BRINP2: variants seen among roughly 807,000 people sequenced by gnomAD.
BRINP2 encodes BMP/retinoic acid-inducible neural-specific protein 2.
In BRINP2, 21 loss-of-function variants were observed where a neutral mutation model predicts 69.2. The observed-to-expected ratio is 0.30, with a 90% CI of 0.22 to 0.44. The LOEUF (loss-of-function observed/expected upper bound fraction) is 0.44, where lower values mean the gene tolerates loss of function less well. Ranked by LOEUF, BRINP2 falls within the 20% of genes least tolerant of loss-of-function variation. The probability of loss-of-function intolerance (pLI) is 1.00; values close to 1 mark genes in which losing one functional copy is unlikely to be tolerated. For synonymous variants in BRINP2, 380 were observed against 394.1 expected (o/e 0.96, Z 0.42); for missense variants, 877 against 986.0 (o/e 0.89, Z 1.48).
At chr1:177,187,422 A>T (rs73034450) in intron 1 of BRINP2, among the ~76,000 whole-genome samples, 2,188 of 152,300 alleles carry the variant, frequency 0.014, 58 homozygotes, top group African/African-American at 0.05. Flanking sequence ...GAAGAAGAGC[A>T]CAAGTTTTTT....
intron 1 of BRINP2, among the ~76,000 whole-genome samples, chr1:177,225,747 T>A (rs1649672232): frequency 6.6e-6 from 1 of 152,180 alleles, no homozygotes; most frequent in South Asian, 2.1e-4. Flanking sequence ...TTTTAAAAGG[T>A]AAAGGAACAT....
chr1:177,210,537 C>G (rs1649193209), intron 1 of BRINP2, among the ~76,000 whole-genome samples: 1 of 152,100 alleles, frequency 6.6e-6, no homozygotes, highest in Non-Finnish European at 1.5e-5. Context: ...GAAATATAGA[C>G]CTGTCCAGCC....
chr1:177,268,111 G>C (rs1270488732), intron 4 of BRINP2, among the ~76,000 whole-genome samples: 2 of 152,186 alleles, frequency 1.3e-5, no homozygotes. Flanking sequence ...CCCATTGCTA[G>C]ACTAAGGAGC....
intron 2 of BRINP2, among the ~76,000 whole-genome samples, chr1:177,255,483 T>C (rs183257590): frequency 6.6e-6 from 1 of 152,376 alleles, no homozygotes; most frequent in Admixed American, 6.5e-5. Flanking sequence ...GCAGTGGTTC[T>C]AGAGCAAGCT....
rs1420355766 is a variant in BRINP2, at chr1:177,281,980, T to C, written c.*452T>C. 7 of 153,932 alleles carry C rather than the reference T, an allele frequency of 4.5e-5. No homozygotes were observed. The allele number at this position is 153,932 out of a possible 1,614,324, so 9.5% of individuals were successfully genotyped here. A position where few individuals can be genotyped will look rare whatever the true frequency, so the allele number is the denominator to read the frequency against. On this transcript the variant is annotated 3_prime_UTR_variant, in exon 8 of 8. Transcript: ENST00000361539. ...TGTGGAGTCACTTTTGTATTCTTTTTAACCAGATTTCTTAAAATGTTGTTG... is the reference window on the plus strand; with the variant it reads ...TGTGGAGTCACTTTTGTATTCTTTTCAACCAGATTTCTTAAAATGTTGTTG...
intron 2 of BRINP2, among the ~76,000 whole-genome samples, chr1:177,253,814 C>G (rs985432026): frequency 1.3e-5 from 2 of 151,972 alleles, no homozygotes; most frequent in African/African-American, 4.8e-5. Context: ...TTCCTGGCAC[C>G]TTTGTCAAAA....
intron 1 of BRINP2, among the ~76,000 whole-genome samples, chr1:177,174,663 A>G (rs1361098549): frequency 6.6e-6 from 1 of 152,210 alleles, no homozygotes; most frequent in Non-Finnish European, 1.5e-5. Flanking sequence ...TGACAGAAAT[A>G]ATAACTGCAG....
chr1:177,280,467 A>G lies in BRINP2; in HGVS notation c.1291A>G (p.Thr431Ala), dbSNP rs1439397456. Residue 431 changes from threonine to alanine, a missense_variant, in exon 8 of 8, where the codon ACC (threonine) becomes GCC (alanine). This residue lies in a region of BRINP2 where 566 missense variants were observed against 625.2 expected (regional missense o/e 0.91). Coordinates refer to ENST00000361539, the MANE Select transcript of BRINP2 (RefSeq NM_021165.4). ...GTCCCTCCTCTACTGTGGGGAAAGC[A>G]CCTTTCCTGGCACTTTCCTGGAACA... The part of the protein sequence containing the change: ...IQSLLYCGES[T>A]FPGTFLEQSH... 1 of 1,613,926 alleles carries G rather than the reference A, an allele frequency of 6.2e-7. No homozygotes were observed. The highest frequency in any genetic ancestry group is 8.5e-7 in the Non-Finnish European group (1 of 1,179,898).
chr1:177,220,971 G>C (rs544196249), intron 1 of BRINP2, among the ~76,000 whole-genome samples: 2 of 152,212 alleles, frequency 1.3e-5, no homozygotes, highest in Admixed American at 1.3e-4. Flanking sequence ...AGCTGGAAAA[G>C]TGATTGTAGG....
At chr1:177,218,667 G>A (rs529678902) in intron 1 of BRINP2, among the ~76,000 whole-genome samples, 3 of 152,036 alleles carry the variant, frequency 2.0e-5, no homozygotes, top group South Asian at 2.1e-4. Context: ...TTGCTTTCCC[G>A]CTGTAGAAAC....
intron 1 of BRINP2, among the ~76,000 whole-genome samples, chr1:177,174,795 T>C (rs1317977184): frequency 6.6e-6 from 1 of 152,218 alleles, no homozygotes; most frequent in Non-Finnish European, 1.5e-5. Flanking sequence ...TAAACATATA[T>C]TGGTCTACAG....
intron 1 of BRINP2, among the ~76,000 whole-genome samples, chr1:177,208,315 G>A (rs1649122375): frequency 6.6e-6 from 1 of 152,300 alleles, no homozygotes. Flanking sequence ...TGGAAAGACA[G>A]GCAGGCACTG....
chr1:177,270,082 T>G (rs914379532), intron 4 of BRINP2, among the ~76,000 whole-genome samples: 129 of 130,096 alleles, frequency 9.9e-4, no homozygotes, highest in Non-Finnish European at 1.4e-3. Context: ...GGGCAAGGGG[T>G]GGGGGGGGTG....
chr1:177,266,556 A>G (rs746805077), intron 4 of BRINP2, among the ~76,000 whole-genome samples: 11 of 151,766 alleles, frequency 7.2e-5, no homozygotes, highest in South Asian at 2.1e-4. Flanking sequence ...TCAGGAGATC[A>G]AGACCATCCT....
intron 2 of BRINP2, among the ~76,000 whole-genome samples, chr1:177,231,330 G>C (rs1420863841): frequency 6.6e-6 from 1 of 152,180 alleles, no homozygotes; most frequent in Non-Finnish European, 1.5e-5. Context: ...TGCAGAGTCT[G>C]GGTTCTGAAA....
intron 2 of BRINP2, among the ~76,000 whole-genome samples, chr1:177,252,763 A>G (rs1406805232): frequency 1.3e-5 from 2 of 152,108 alleles, no homozygotes; most frequent in Non-Finnish European, 2.9e-5. Context: ...CCACTGTTCT[A>G]GTCTCTAATT....
rs371718773 is a variant in BRINP2 at position 177,262,719 on chromosome 1, T to G, written c.669+5335T>G. 3.0e-3 allele frequency among the ~76,000 whole-genome samples: 453 copies of G among 152,278 alleles called. 2 individuals are homozygous for G. Among genetic ancestry groups the G allele is most frequent in the African/African-American group, 4.2e-3 (173 of 41,566 alleles). ...TGCTGTTGTTTTCTTTTGATTGGCTTCTTCTTCTTGATTTCCTAGGTTAAA... is the reference window on the plus strand; with the variant it reads ...TGCTGTTGTTTTCTTTTGATTGGCTGCTTCTTCTTGATTTCCTAGGTTAAA... On this transcript the variant is annotated intron_variant, in intron 4 of 7. Coordinates refer to ENST00000361539, the MANE Select transcript of BRINP2 (RefSeq NM_021165.4).
intron 1 of BRINP2, among the ~76,000 whole-genome samples, chr1:177,197,392 C>T (rs1648777831): frequency 1.3e-5 from 2 of 152,146 alleles, no homozygotes; most frequent in Non-Finnish European, 2.9e-5. Flanking sequence ...AATCACCTCC[C>T]AACCAGGCCC....
At chr1:177,206,914 A>C (rs1215145009) in intron 1 of BRINP2, among the ~76,000 whole-genome samples, 1 of 152,202 alleles carries the variant, frequency 6.6e-6, no homozygotes, top group African/African-American at 2.4e-5. Flanking sequence ...GGCAAGAGTG[A>C]AAGAAACATA....
Sources: allele counts gnomAD v4.1 joint callset (sites outside exome capture counted in the v4.1 genomes callset), GRCh38; gene constraint gnomAD v4.1.1; regional missense constraint gnomAD v4.1.1; transcripts MANE v1.5; gene names NCBI Gene and HGNC (gene_info 2026-07-23, HGNC 2026-07-21).